The following C10orf143 variants were observed in gnomAD, a reference collection of about 807,000 sequenced individuals.
The protein encoded by C10orf143 is uncharacterized protein C10orf143.
chr10:130,108,402 C>A (rs754717296), intron 1 of C10orf143: 2 of 961,514 alleles, frequency 2.1e-6, no homozygotes, highest in Admixed American at 3.4e-5. Context: ...GGGCTGATTC[C>A]GCCTTCAAAT....
intron 3 of C10orf143, among the ~76,000 whole-genome samples, chr10:130,046,031 G>A (rs1277526330): frequency 6.6e-6 from 1 of 151,532 alleles, no homozygotes; most frequent in African/African-American, 2.4e-5. Context: ...GTGGCACAGA[G>A]GGATGCGCGT....
Position 130,044,227 on chromosome 10 carries a change from G to A in C10orf143, c.298-8257C>T, listed in dbSNP as rs566306989. Among the ~76,000 whole-genome samples the A allele has an allele frequency of 1.1e-4, 16 of 152,336 alleles. 1 individual carries two copies. Among genetic ancestry groups the A allele is most frequent in the South Asian group, 6.2e-4 (3 of 4,828 alleles). On this transcript the variant is annotated intron_variant and NMD_transcript_variant, in intron 3 of 5. Transcript: ENST00000643056. Reference sequence around the variant, plus strand: ...GCACTGTGATAGGAGAAGCCTTGGCGGGAAAAGTGACCGAGACATTTGAGA... The same window carrying A: ...GCACTGTGATAGGAGAAGCCTTGGCAGGAAAAGTGACCGAGACATTTGAGA...
Position 130,076,727 on chromosome 10 carries a change from CAAGGAGCAGCT to C in C10orf143, c.297+2828_297+2838del, listed in dbSNP as rs1308163403. On this transcript the variant is annotated intron_variant, in intron 3 of 3. Coordinates refer to ENST00000637128, the MANE Select transcript of C10orf143 (RefSeq NM_001355042.2). ...GTTTCATTTAATTGCTCTGAATTTG[CAAGGAGCAGCT>C]TCATTTCCATTTCACACTTGGTTAC... 2.6e-5 allele frequency among the ~76,000 whole-genome samples: 4 copies of C among 152,192 alleles called. No homozygotes were observed. The East Asian group carries it at 7.7e-4, about 29-fold the overall frequency.
intron 1 of C10orf143, among the ~76,000 whole-genome samples, chr10:130,087,067 A>G (rs974908089): frequency 1.3e-5 from 2 of 152,212 alleles, no homozygotes; most frequent in African/African-American, 2.4e-5. Context: ...GAATGTGAGG[A>G]TGACATCTCA....
intron 3 of C10orf143, among the ~76,000 whole-genome samples, chr10:130,057,843 G>T (rs1040048483): frequency 5.3e-5 from 8 of 152,210 alleles, no homozygotes; most frequent in African/African-American, 1.9e-4. Context: ...GATGATGCAG[G>T]TACTGTTGTT....
At chr10:130,105,653 C>T (rs1437701785) in intron 1 of C10orf143, among the ~76,000 whole-genome samples, 1 of 152,130 alleles carries the variant, frequency 6.6e-6, no homozygotes, top group Admixed American at 6.5e-5. Context: ...TCGCTTCAAC[C>T]CAGGAGGCAG....
At chr10:130,058,020 C>T (rs970005012) in intron 3 of C10orf143, among the ~76,000 whole-genome samples, 2 of 152,188 alleles carry the variant, frequency 1.3e-5, no homozygotes, top group Admixed American at 1.3e-4. Flanking sequence ...GAATGCTTTC[C>T]ACTCTAGAGC....
chr10:130,100,313 C>T (rs1005719939), intron 1 of C10orf143, among the ~76,000 whole-genome samples: 5 of 151,766 alleles, frequency 3.3e-5, no homozygotes, highest in African/African-American at 4.8e-5. Flanking sequence ...AGGTGGGTGA[C>T]GAGGTCAGGT....
intron 3 of C10orf143, among the ~76,000 whole-genome samples, chr10:130,072,911 C>T (rs578089853): frequency 3.9e-5 from 6 of 152,308 alleles, no homozygotes; most frequent in Admixed American, 2.6e-4. Context: ...TGGCACCAAA[C>T]AGACTTGTTC....
chr10:130,066,111 A>C (rs944380415), intron 3 of C10orf143: 4 of 152,170 alleles, frequency 2.6e-5, no homozygotes, highest in Non-Finnish European at 5.9e-5. Context: ...TATACCTGGA[A>C]GACATGTTTG....
chr10:130,073,890 G>A (rs1483459727), intron 3 of C10orf143, among the ~76,000 whole-genome samples: 1 of 152,064 alleles, frequency 6.6e-6, no homozygotes, highest in Admixed American at 6.6e-5. Context: ...TTTTGTCAGT[G>A]GTCTATTCAT....
chr10:130,090,457 C>T lies in C10orf143; in HGVS notation c.70-10556G>A, dbSNP rs552691097. Among the ~76,000 whole-genome samples, 496 of 152,278 alleles carry T rather than the reference C, an allele frequency of 3.3e-3. 6 individuals are homozygous for T. Among genetic ancestry groups the T allele is most frequent in the African/African-American group, 0.011 (469 of 41,544 alleles). ...CCCTCGGGTGCCTACACCACCAGGG[C>T]CCTGGGTTTCAAGCACAAAACTGGG... On this transcript the variant is annotated intron_variant, in intron 1 of 3. Transcript: ENST00000637128.
intron 1 of C10orf143, chr10:130,104,578 T>C (rs904409196): frequency 1.4e-4 from 22 of 152,202 alleles, no homozygotes; most frequent in African/African-American, 5.3e-4. Context: ...TTGGTAGAAC[T>C]TGGATACTTT....
intron 3 of C10orf143, among the ~76,000 whole-genome samples, chr10:130,050,075 TA>T (rs1860719014): frequency 6.6e-6 from 1 of 152,176 alleles, no homozygotes; most frequent in Non-Finnish European, 1.5e-5. Context: ...TCATCAGCCA[TA>T]ATGGAAAAAC....
At chr10:130,061,945 A>C (rs1336094525), downstream of C10orf143, among the ~76,000 whole-genome samples, 3 of 152,208 alleles carry the variant, frequency 2.0e-5, no homozygotes, top group South Asian at 6.2e-4. Context: ...GGTGGGGCTG[A>C]AGGCCAGGAT....
intron 3 of C10orf143, among the ~76,000 whole-genome samples, chr10:130,051,358 T>TC (rs1272665425): frequency 2.3e-4 from 16 of 70,470 alleles, no homozygotes; most frequent in East Asian, 5.3e-4. Flanking sequence ...CGCCCCCACC[T>TC]AGTTAAGAGT....
intron 1 of C10orf143, among the ~76,000 whole-genome samples, chr10:130,085,624 G>T (rs146226325): frequency 6.6e-6 from 1 of 152,170 alleles, no homozygotes; most frequent in Non-Finnish European, 1.5e-5. Flanking sequence ...ATGGAATAAG[G>T]TCTATAGTTA....
At chr10:130,101,777 T>C (rs923385582) in intron 1 of C10orf143, among the ~76,000 whole-genome samples, 1 of 141,868 alleles carries the variant, frequency 7.0e-6, no homozygotes, top group African/African-American at 2.7e-5. Flanking sequence ...GGAGAATCTC[T>C]TGAACCCGGG....
intron 1 of C10orf143, chr10:130,106,115 G>A (rs1213344039): frequency 1.5e-6 from 1 of 669,474 alleles, no homozygotes; most frequent in Non-Finnish European, 2.7e-6. Flanking sequence ...CAGGGTTGTG[G>A]CAGCGCTGCC....
Sources: gnomAD v4.1 joint callset for allele counts (sites outside exome capture counted in the v4.1 genomes callset) on GRCh38, gnomAD v4.1.1 for gene constraint, MANE v1.5 for transcripts, NCBI Gene and HGNC (gene_info 2026-07-23, HGNC 2026-07-21) for gene names.